Variants in WDFY1 observed in about 807,000 individuals in gnomAD.
WDFY1 encodes WD repeat and FYVE domain containing 1, also known as WD repeat and FYVE domain-containing protein 1.
In WDFY1, 32 loss-of-function variants were observed where a neutral mutation model predicts 56.4. That is an observed-to-expected ratio of 0.57 (90% CI 0.43 to 0.76). The LOEUF (loss-of-function observed/expected upper bound fraction) is 0.76. WDFY1 is among the 30% of genes least tolerant of loss of function. The pLI, the probability that WDFY1 is intolerant of heterozygous loss-of-function variation, is 0.00. For synonymous variants in WDFY1, 192 were observed against 197.3 expected, an observed-to-expected ratio of 0.97 and a Z score of 0.23; for missense variants, 480 against 545.7, an observed-to-expected ratio of 0.88 and a Z score of 1.20.
At chr2:223,941,577 T>C (rs534164118) in intron 1 of WDFY1, among the ~76,000 whole-genome samples, 1 of 152,240 alleles carries the variant, frequency 6.6e-6, no homozygotes, top group Admixed American at 6.5e-5. Flanking sequence ...TTCCCAGCAC[T>C]GGATGCTGAA....
chr2:223,911,035 C>T (rs550366585), intron 3 of WDFY1, among the ~76,000 whole-genome samples: 65 of 152,206 alleles, frequency 4.3e-4, no homozygotes, highest in African/African-American at 1.4e-3. Context: ...AACTAATAAA[C>T]GGATCAACCA....
Position 223,884,645 on chromosome 2 carries a change from C to G in WDFY1, c.933+3G>C, listed in dbSNP as rs1423120293. 1 of 1,613,298 alleles carries G rather than the reference C, an allele frequency of 6.2e-7. No homozygotes were observed. Among genetic ancestry groups the G allele is most frequent in the Non-Finnish European group, 8.5e-7 (1 of 1,179,376 alleles). The stretch of plus-strand genomic sequence containing the variant: ...CAGAGATGACTCGACAGTGGCTACT[C>G]ACTTGTCTTAGCCCCAGCGTCTTGG... On this transcript the variant is annotated splice_donor_region_variant and intron_variant, in intron 9 of 11. Transcript: ENST00000233055.
At position 223,894,328 on chromosome 2, in the gene WDFY1, T is replaced by G; in HGVS notation, c.737A>C (p.Gln246Pro). The G allele has an allele frequency of 6.2e-7, 1 of 1,614,178 alleles. No homozygotes were observed. The highest frequency in any genetic ancestry group is 2.2e-5 in the East Asian group (1 of 44,872). ...GGTGAGCTGAAGGTAGCACAGCGACTGCACCTTGTCACTGCAAACAGCACA... is the reference window on the plus strand; with the variant it reads ...GGTGAGCTGAAGGTAGCACAGCGACGGCACCTTGTCACTGCAAACAGCACA... ...LLLQGHHDKV[Q>P]SLCYLQLTRQ... Residue 246 changes from glutamine to proline, a missense_variant, in exon 8 of 12, where the codon CAG (glutamine) becomes CCG (proline). Physicochemically the swap from Gln to Pro is moderately conservative, Grantham distance 76. Transcript: ENST00000233055.
rs1693909007 is a variant in WDFY1 at position 223,922,882 on chromosome 2, A to C, written c.138-4872T>G. Among the ~76,000 whole-genome samples the C allele has an allele frequency of 2.6e-5, 4 of 152,264 alleles. No individual in the cohort carries two copies. In the South Asian group the frequency reaches 8.3e-4, roughly 31 times the overall value. On this transcript the variant is annotated intron_variant, in intron 1 of 11. Transcript: ENST00000233055. ...CCCAAAGTCAAAATCGAACCTACTT[A>C]GATTCCAGCATTTTGAACACAGTAT...
At chr2:223,928,902 G>C (rs533933407) in intron 1 of WDFY1, among the ~76,000 whole-genome samples, 52 of 152,238 alleles carry the variant, frequency 3.4e-4, no homozygotes, top group East Asian at 1.4e-3. Flanking sequence ...GTTATTGCAG[G>C]GGGGGTGAGA....
chr2:223,905,213 G>C (rs1159097060), intron 4 of WDFY1, among the ~76,000 whole-genome samples: 1 of 152,192 alleles, frequency 6.6e-6, no homozygotes, highest in East Asian at 1.9e-4. Flanking sequence ...GTAAAAACTT[G>C]CACTATTGCT....
intron 2 of WDFY1, among the ~76,000 whole-genome samples, chr2:223,916,959 C>A (rs1312436358): frequency 1.3e-5 from 2 of 152,036 alleles, no homozygotes; most frequent in Non-Finnish European, 1.5e-5. Context: ...GGATTACAGG[C>A]ATGTGCCACC....
chr2:223,890,387 G>A (rs531573713), intron 8 of WDFY1, among the ~76,000 whole-genome samples: 1 of 152,096 alleles, frequency 6.6e-6, no homozygotes, highest in Non-Finnish European at 1.5e-5. Flanking sequence ...CACGAGAATC[G>A]CTTGAGCCCA....
chr2:223,912,133 T>C lies in WDFY1; in HGVS notation c.279+120A>G. The C allele has an allele frequency of 3.8e-6, 4 of 1,061,046 alleles. No individual in the cohort carries two copies. The South Asian group carries it at 5.0e-5, about 13-fold the overall frequency. The allele number at this position is 1,061,046 out of a possible 1,614,324, so 65.7% of individuals were successfully genotyped here. A position where few individuals can be genotyped will look rare whatever the true frequency, so the allele number is the denominator to read the frequency against. On this transcript the variant is annotated intron_variant, in intron 3 of 11. Transcript: ENST00000233055. Reference sequence around the variant, plus strand: ...CTTGGCCTAAATTAAACATTTTTCATGCCAAACAATCGAGCATCCATTGTT... The same window carrying C: ...CTTGGCCTAAATTAAACATTTTTCACGCCAAACAATCGAGCATCCATTGTT...
intron 4 of WDFY1, among the ~76,000 whole-genome samples, chr2:223,902,009 C>A (rs1263513333): frequency 6.6e-6 from 1 of 152,196 alleles, no homozygotes; most frequent in Non-Finnish European, 1.5e-5. Context: ...GGCAGTGTAA[C>A]CTGCCTTCAA....
At chr2:223,904,535 G>A (rs1428139784) in intron 4 of WDFY1, among the ~76,000 whole-genome samples, 1 of 152,178 alleles carries the variant, frequency 6.6e-6, no homozygotes, top group Non-Finnish European at 1.5e-5. Context: ...TTACAGGGGT[G>A]AGTCACCGTG....
rs1441035020 is a variant in WDFY1, at chr2:223,897,384, A to ATTTTTT, written c.598+1573_598+1574insAAAAAA. ...TATATATATATATATATATATATATATATATATTTTTTAAGACGGAGTCTC... is the reference window on the plus strand; with the variant it reads ...TATATATATATATATATATATATATATTTTTTTATATATTTTTTAAGACGGAGTCTC... On this transcript the variant is annotated intron_variant, in intron 6 of 11. Coordinates refer to ENST00000233055, the MANE Select transcript of WDFY1 (RefSeq NM_020830.5). Among the ~76,000 whole-genome samples the ATTTTTT allele has an allele frequency of 1.5e-3, 182 of 117,424 alleles. 7 individuals are homozygous for ATTTTTT. Among genetic ancestry groups the ATTTTTT allele is most frequent in the Non-Finnish European group, 2.3e-3 (137 of 60,244 alleles). The allele number at this position is 117,424 out of a possible 152,430, so 77.0% of individuals were successfully genotyped here.
intron 1 of WDFY1, among the ~76,000 whole-genome samples, chr2:223,930,898 G>A (rs894548260): frequency 5.3e-5 from 8 of 152,218 alleles, no homozygotes; most frequent in Non-Finnish European, 8.8e-5. Flanking sequence ...GCTGGCCCAC[G>A]GCTGGCCACA....
chr2:223,893,293 G>A (rs182217916), intron 8 of WDFY1, among the ~76,000 whole-genome samples: 2 of 151,266 alleles, frequency 1.3e-5, no homozygotes, highest in South Asian at 4.2e-4. Context: ...GAGGCAGGAG[G>A]ATTGCTTGAG....
At chr2:223,902,659 A>C (rs1326311065) in intron 4 of WDFY1, among the ~76,000 whole-genome samples, 1 of 152,136 alleles carries the variant, frequency 6.6e-6, no homozygotes, top group Non-Finnish European at 1.5e-5. Flanking sequence ...GTGGAGCCTA[A>C]TGCTTTTTCT....
intron 1 of WDFY1, among the ~76,000 whole-genome samples, chr2:223,919,965 A>C (rs997202591): frequency 3.9e-5 from 6 of 152,158 alleles, no homozygotes; most frequent in Non-Finnish European, 7.4e-5. Flanking sequence ...AAGGCCTGCA[A>C]GCCAGACCCA....
intron 1 of WDFY1, among the ~76,000 whole-genome samples, chr2:223,931,194 A>C (rs1016691217): frequency 6.6e-6 from 1 of 152,272 alleles, no homozygotes; most frequent in Non-Finnish European, 1.5e-5. Context: ...TAATTGAAAT[A>C]CAGGATTCCC....
At chr2:223,892,801 C>T (rs1270907529) in intron 8 of WDFY1, among the ~76,000 whole-genome samples, 1 of 152,206 alleles carries the variant, frequency 6.6e-6, no homozygotes, top group African/African-American at 2.4e-5. Context: ...CTGAACAGAT[C>T]ATGTGATGTC....
At chr2:223,898,828 A>G (rs1221490425) in intron 6 of WDFY1, 130 bp downstream of exon 6, 9 of 694,806 alleles carry the variant, frequency 1.3e-5, no homozygotes, top group East Asian at 5.4e-5. Context: ...TCTAAATCCC[A>G]TATCTGGCCA....
Sources: allele counts gnomAD v4.1 joint callset (sites outside exome capture counted in the v4.1 genomes callset), GRCh38; gene constraint gnomAD v4.1.1; transcripts MANE v1.5; gene names NCBI Gene and HGNC (gene_info 2026-07-23, HGNC 2026-07-21).